ARSD: variants seen among roughly 807,000 people sequenced by gnomAD.
The protein encoded by ARSD is arylsulfatase D, also known as testis tissue sperm-binding protein Li 39a.
In ARSD, 21 loss-of-function variants were observed where a neutral mutation model predicts 32.6. The observed-to-expected ratio is 0.64, with a 90% CI of 0.46 to 0.93. The LOEUF is 0.93. Ranked by LOEUF, ARSD falls within the 40% of genes least tolerant of loss-of-function variation. The probability of loss-of-function intolerance (pLI) is 0.00; values close to 1 mark genes in which losing one functional copy is unlikely to be tolerated. For missense variants in ARSD, 454 were observed against 520.9 expected (o/e 0.87, Z 1.25); for synonymous variants, 224 against 237.4 (o/e 0.94, Z 0.52).
At chrX:2,910,900 A>T in intron 6 of ARSD, 107 bp from the exon 7 acceptor site, 1 of 936,552 alleles carries the variant, frequency 1.1e-6, no homozygotes, top group Non-Finnish European at 1.5e-6. Flanking sequence ...GGAAGTCATA[A>T]GAAGAGACCA....
At position 2,905,062 on chromosome X, in the gene ARSD, C is replaced by G. The variant is rs757965648; in HGVS notation, c.*2209G>C. The G allele has an allele frequency of 3.0e-6, 1 of 338,609 alleles. No homozygotes were observed. The highest frequency in any genetic ancestry group is 9.8e-5 in the East Asian group (1 of 10,201). 27.9% of individuals were successfully genotyped at this position (338,609 alleles called of 1,213,427 possible). A position where few individuals can be genotyped will look rare whatever the true frequency, so the allele number is the denominator to read the frequency against. On this transcript the variant is annotated 3_prime_UTR_variant, in exon 10 of 10. Coordinates refer to ENST00000381154, the MANE Select transcript of ARSD (RefSeq NM_001669.4). ...AGGTTGAGTTCAGCCAACAGATGCC[C>G]CTGTAGGATTTGGACACAGGGAGCC...
rs1043269 is a variant in ARSD, at chrX:2,905,642, T to G, written c.*1629A>C. The G allele has an allele frequency of 0.16, 18,451 of 112,420 alleles. 2,145 individuals carry two copies. Among genetic ancestry groups the G allele is most frequent in the East Asian group, 0.44 (1,535 of 3,512 alleles). 9.3% of individuals were successfully genotyped at this position (112,420 alleles called of 1,213,427 possible). On this transcript the variant is annotated 3_prime_UTR_variant, in exon 10 of 10. Coordinates refer to ENST00000381154, the MANE Select transcript of ARSD (RefSeq NM_001669.4). ...TCTTCTGTGCCTCTGAGGATCATTT[T>G]CCAATTATAGGCAATGGTAGTACGT...
chrX:2,929,267 G>A lies in ARSD; in HGVS notation c.9C>T (p.Ser3=), dbSNP rs1419869729. The change falls in exon 1 of 10, where the codon TCC becomes TCT. Residue 3 remains serine, a synonymous_variant. Transcript: ENST00000381154. MR[S]AARRGRAAPA... ...GCGCGGCGCGTCCCCTCCGCGCGGCGGATCGCATGGCCGAGCGCTGGCCCA... is the reference window on the plus strand; with the variant it reads ...GCGCGGCGCGTCCCCTCCGCGCGGCAGATCGCATGGCCGAGCGCTGGCCCA... The A allele has an allele frequency of 2.9e-6, 3 of 1,023,335 alleles. No homozygotes were observed. The highest frequency in any genetic ancestry group is 3.7e-6 in the Non-Finnish European group (3 of 809,543). The allele number at this position is 1,023,335 out of a possible 1,213,427, so 84.3% of individuals were successfully genotyped here. A position where few individuals can be genotyped will look rare whatever the true frequency, so the allele number is the denominator to read the frequency against.
chrX:2,926,251 T>C (rs1228463867), intron 1 of ARSD, among the ~76,000 whole-genome samples: 1 of 111,857 alleles, frequency 8.9e-6, no homozygotes, highest in Admixed American at 9.5e-5. Context: ...CTGGGGTGAT[T>C]ACCCTTATCT....
At chrX:2,914,897 C>G (rs942904709) in intron 6 of ARSD, 1 of 891,533 alleles carries the variant, frequency 1.1e-6, no homozygotes, top group African/African-American at 2.1e-5. Context: ...ATTAAAGAGA[C>G]AGGGTCTCAC....
At chrX:2,924,878 G>T (rs2089066905) in intron 2 of ARSD, among the ~76,000 whole-genome samples, 1 of 111,249 alleles carries the variant, frequency 9.0e-6, no homozygotes, top group Non-Finnish European at 1.9e-5. Flanking sequence ...GAGCCCCCAG[G>T]AGCTGGGAGA....
In ARSD at chrX:2,907,457, G is replaced by A. The variant is rs1280672096; in HGVS notation, c.1596C>T (p.Asp532=). The change falls in exon 10 of 10, where the codon GAC becomes GAT. Residue 532 remains aspartate (D), a synonymous_variant. Transcript: ENST00000381154. ...DPSEARPLTP[D]SEPLYHAVIA... is the part of the protein sequence containing the mutation. ...TCACGGCGTGGTACAGGGGCTCGGA[G>A]TCGGGGGTCAGGGGCCGTGCCTCGG... is the stretch of plus-strand genomic sequence containing the variant. 3 of 1,210,750 alleles carry A rather than the reference G, an allele frequency of 2.5e-6. No homozygotes were observed. The South Asian group carries it at 5.3e-5, about 21-fold the overall frequency.
rs376915176 is a variant in ARSD at position 2,907,229 on chromosome X, C to T, written c.*42G>A. 248 of 1,141,701 alleles carry T rather than the reference C, an allele frequency of 2.2e-4. No individual in the cohort carries two copies. The highest frequency in any genetic ancestry group is 5.1e-4 in the East Asian group (17 of 33,185). 94.1% of individuals were successfully genotyped at this position (1,141,701 alleles called of 1,213,427 possible). On this transcript the variant is annotated 3_prime_UTR_variant, in exon 10 of 10. Coordinates refer to ENST00000381154, the MANE Select transcript of ARSD (RefSeq NM_001669.4). ...CAAGCTTGGAGAATTTTGTTTGCAA[C>T]GCAGTCAGGCTCTCCTGGATCCTCT...
rs1169828147 is a variant in ARSD, at chrX:2,904,129, C to CAG, written c.*3140_*3141dup. 2.7e-5 allele frequency: 3 copies of CAG among 111,429 alleles called. No individual in the cohort carries two copies. The highest frequency in any genetic ancestry group is 3.8e-5 in the Non-Finnish European group (2 of 53,155). The allele number at this position is 111,429 out of a possible 1,213,427, so 9.2% of individuals were successfully genotyped here. On this transcript the variant is annotated 3_prime_UTR_variant, in exon 10 of 10. Coordinates refer to ENST00000381154, the MANE Select transcript of ARSD (RefSeq NM_001669.4). Reference sequence around the variant, plus strand: ...CTTTATTACCTTAACTAGCACAGAACAGAGGTTGATTTAAACTCCTTACAC... The same window carrying CAG: ...CTTTATTACCTTAACTAGCACAGAACAGAGAGGTTGATTTAAACTCCTTACAC...
Position 2,917,712 on chromosome X carries a change from C to A in ARSD, c.863+92G>T. On this transcript the variant is annotated intron_variant, in intron 5 of 9. Coordinates refer to ENST00000381154, the MANE Select transcript of ARSD (RefSeq NM_001669.4). ...GTCTAAAGCACCTGGGCTAAAAGAT[C>A]CTCCCATCTTGGCCTCCCGAAGTGC... 3.2e-6 allele frequency: 3 copies of A among 931,442 alleles called. No individual in the cohort carries two copies. The South Asian group carries it at 7.6e-5, about 24-fold the overall frequency. The allele number at this position is 931,442 out of a possible 1,213,427, so 76.8% of individuals were successfully genotyped here.
intron 1 of ARSD, among the ~76,000 whole-genome samples, chrX:2,926,126 C>T (rs2089080547): frequency 8.9e-6 from 1 of 112,151 alleles, no homozygotes; most frequent in Admixed American, 9.5e-5. Flanking sequence ...TGTAAGTGTG[C>T]ATTTATCTAA....
At chrX:2,928,484 G>C (rs1166113866) in intron 1 of ARSD, among the ~76,000 whole-genome samples, 1 of 82,130 alleles carries the variant, frequency 1.2e-5, no homozygotes. Flanking sequence ...AGCCGTGCTG[G>C]GAAGGCAAAG....
At position 2,915,559 on chromosome X, in the gene ARSD, T is replaced by C; in HGVS notation, c.997A>G (p.Ile333Val). 1.7e-6 allele frequency: 2 copies of C among 1,211,414 alleles called. No homozygotes were observed. Among genetic ancestry groups the C allele is most frequent in the Non-Finnish European group, 2.2e-6 (2 of 895,132 alleles). ...GDNVEEMDWL[I>V]GKVLNAIEDN... is the part of the protein sequence containing the mutation. The stretch of plus-strand genomic sequence containing the variant: ...GCTCCATGGTACCTTGACTTACCTA[T>C]GAGCCAGTCCATCTCCTCCACATTA... Residue 333 changes from isoleucine (I) to valine (V), a missense_variant, in exon 6 of 10, where the codon ATA becomes GTA. Physicochemically the swap from Ile to Val is conservative, Grantham distance 29. Coordinates refer to ENST00000381154, the MANE Select transcript of ARSD (RefSeq NM_001669.4).
chrX:2,915,284 A>G (rs2088945849), intron 6 of ARSD, among the ~76,000 whole-genome samples: 1 of 111,403 alleles, frequency 9.0e-6, no homozygotes, highest in Non-Finnish European at 1.9e-5. Context: ...CCTCCCGAGT[A>G]GCTGGGACTA....
At chrX:2,920,983 T>C (rs45626632) in intron 3 of ARSD, among the ~76,000 whole-genome samples, 12,613 of 111,413 alleles carry the variant, frequency 0.11, 867 homozygotes, top group East Asian at 0.57. Context: ...TGTCTGGAGA[T>C]GTTTGTGGTG....
Position 2,918,689 on chromosome X carries a change from G to C in ARSD, c.440-462C>G, listed in dbSNP as rs759228232. Among the ~76,000 whole-genome samples the C allele has an allele frequency of 5.5e-3, 608 of 111,150 alleles. 2 individuals carry two copies. Among genetic ancestry groups the C allele is most frequent in the Non-Finnish European group, 9.7e-3 (513 of 52,940 alleles). ...TGGGAGGCGGAGCTTACAGTGAGCC[G>C]AGATCATGCCACTGCACTCCAGCCT... is the stretch of plus-strand genomic sequence containing the variant. On this transcript the variant is annotated intron_variant, in intron 4 of 9. Coordinates refer to ENST00000381154, the MANE Select transcript of ARSD (RefSeq NM_001669.4).
At chrX:2,908,122 A>G (rs2088867914) in intron 9 of ARSD, 1 of 217,344 alleles carries the variant, frequency 4.6e-6, no homozygotes. Flanking sequence ...TTATCTATTT[A>G]TCTATCGATC....
In ARSD at chrX:2,914,758, G is replaced by T. The variant is rs774422732; in HGVS notation, c.1000+798C>A. The T allele has an allele frequency of 2.9e-6, 3 of 1,026,545 alleles. No individual in the cohort carries two copies. The East Asian group carries it at 1.8e-4, about 63-fold the overall frequency. 84.6% of individuals were successfully genotyped at this position (1,026,545 alleles called of 1,213,427 possible). On this transcript the variant is annotated intron_variant, in intron 6 of 9. Transcript: ENST00000381154. ...TTCACTTTCGGTAACTTCTGATGAT[G>T]ACATGAAGTCACTGGCTGTGTAGAA... is the stretch of plus-strand genomic sequence containing the variant.
At position 2,909,898 on chromosome X, in the gene ARSD, C is replaced by A; in HGVS notation, c.1217G>T (p.Arg406Leu). 1 of 1,210,840 alleles carries A rather than the reference C, an allele frequency of 8.3e-7. No individual in the cohort carries two copies. The stretch of plus-strand genomic sequence containing the variant: ...CAGGCTCGTGGGCTCTCCAATCACT[C>A]GGCCGGCCGGGAGCACCCCCGGCCA... ...FHWPGVLPAG[R>L]VIGEPTSLMD... Residue 406 changes from arginine to leucine, a missense_variant, in exon 8 of 10, where the codon CGA becomes CTA. This residue lies in a region of ARSD where 179 missense variants were observed against 198.5 expected (regional missense o/e 0.90). Coordinates refer to ENST00000381154, the MANE Select transcript of ARSD (RefSeq NM_001669.4).
Sources: gnomAD v4.1 joint callset for allele counts (sites outside exome capture counted in the v4.1 genomes callset) on GRCh38, gnomAD v4.1.1 for gene constraint, gnomAD v4.1.1 regional missense constraint, MANE v1.5 for transcripts, NCBI Gene and HGNC (gene_info 2026-07-23, HGNC 2026-07-21) for gene names.